COX20: variants seen among roughly 807,000 people sequenced by gnomAD.
The protein encoded by COX20 is cytochrome c oxidase assembly factor COX20.
In COX20, 14 loss-of-function variants were observed where a neutral mutation model predicts 14.3. The observed-to-expected ratio is 0.98, with a 90% CI of 0.65 to 1.53. The LOEUF (loss-of-function observed/expected upper bound fraction) is 1.53, where lower values mean the gene tolerates loss of function less well. COX20 is among the 40% of genes most tolerant of loss of function. The pLI is 0.00. For synonymous variants in COX20, 56 were observed against 51.7 expected (o/e 1.08, Z -0.36); for missense variants, 149 against 142.1 (o/e 1.05, Z -0.25).
chr1:244,844,777 A>C lies in COX20; in HGVS notation c.*1601A>C, dbSNP rs368887269. 8 of 152,226 alleles carry C rather than the reference A, an allele frequency of 5.3e-5. No homozygotes were observed. The East Asian group carries it at 1.4e-3, about 26-fold the overall frequency. The allele number at this position is 152,226 out of a possible 1,614,324, so 9.4% of individuals were successfully genotyped here. ...GAGACTCCATCTCAAAAAAAAAAAA[A>C]AATTCCATAGGATGTTCAACCATGT... On this transcript the variant is annotated 3_prime_UTR_variant, in exon 4 of 4. Coordinates refer to ENST00000411948, the MANE Select transcript of COX20 (RefSeq NM_198076.6).
At chr1:244,835,657 G>T (rs1360989395), upstream of COX20, 13 of 1,219,378 alleles carry the variant, frequency 1.1e-5, no homozygotes, top group Non-Finnish European at 1.1e-5. Context: ...CGGCCAGCCG[G>T]GCTTCTGCTT....
chr1:244,844,095 A>G lies in COX20; in HGVS notation c.*919A>G, dbSNP rs1680328421. On this transcript the variant is annotated 3_prime_UTR_variant, in exon 4 of 4. Transcript: ENST00000411948. ...ATTGGGGCGAAGGTAACAGCAGTCA[A>G]CAGGATTGTGGCCATTACTGGTCCT... 6.6e-6 allele frequency: 1 copy of G among 152,256 alleles called. No homozygotes were observed. Among genetic ancestry groups the G allele is most frequent in the Non-Finnish European group, 1.5e-5 (1 of 68,036 alleles). 9.4% of individuals were successfully genotyped at this position (152,256 alleles called of 1,614,324 possible).
Position 244,843,848 on chromosome 1 carries a change from AAAC to A in COX20, c.*675_*677del, listed in dbSNP as rs923188396. 13 of 152,240 alleles carry A rather than the reference AAAC, an allele frequency of 8.5e-5. No individual in the cohort carries two copies. Among genetic ancestry groups the A allele is most frequent in the African/African-American group, 2.9e-4 (12 of 41,462 alleles). The allele number at this position is 152,240 out of a possible 1,614,324, so 9.4% of individuals were successfully genotyped here. A position where few individuals can be genotyped will look rare whatever the true frequency, so the allele number is the denominator to read the frequency against. ...ACAACTGCAGAATTACTATTAATGT[AAAC>A]AATCCATTTGAAAGTCAATCAGCTG... On this transcript the variant is annotated 3_prime_UTR_variant, in exon 4 of 4. Coordinates refer to ENST00000411948, the MANE Select transcript of COX20 (RefSeq NM_198076.6).
rs997674586 is a variant in COX20, at chr1:244,842,588, A to G, written c.221+330A>G. The stretch of plus-strand genomic sequence containing the variant: ...TGTTTACAACTACTGATGAGTGAAT[A>G]TAAAATATGGATGAACCTCAAATAT... On this transcript the variant is annotated intron_variant, in intron 3 of 3. Coordinates refer to ENST00000411948, the MANE Select transcript of COX20 (RefSeq NM_198076.6). 3 of 298,304 alleles carry G rather than the reference A, an allele frequency of 1.0e-5. No homozygotes were observed. The Admixed American group carries it at 1.4e-4, about 14-fold the overall frequency. 18.5% of individuals were successfully genotyped at this position (298,304 alleles called of 1,614,324 possible). A position where few individuals can be genotyped will look rare whatever the true frequency, so the allele number is the denominator to read the frequency against.
chr1:244,835,711 C>T lies in COX20; in HGVS notation c.-4C>T, dbSNP rs763214204. The stretch of plus-strand genomic sequence containing the variant: ...AGGGCGGGTGGAGTCGCGGAGTAGT[C>T]CTCATGGCCGCCCCGCCGGAGCCCG... On this transcript the variant is annotated 5_prime_UTR_variant, in exon 1 of 4. Coordinates refer to ENST00000411948, the MANE Select transcript of COX20 (RefSeq NM_198076.6). 6.3e-6 allele frequency: 8 copies of T among 1,267,532 alleles called. No homozygotes were observed. The South Asian group carries it at 2.3e-4, about 36-fold the overall frequency. 78.5% of individuals were successfully genotyped at this position (1,267,532 alleles called of 1,614,324 possible).
intron 1 of COX20, chr1:244,836,555 C>T (rs1168650666): frequency 5.9e-6 from 9 of 1,531,632 alleles, no homozygotes; most frequent in Non-Finnish European, 8.0e-6. Context: ...TTTTCCTGGG[C>T]TCCTTATTAA....
In COX20 at chr1:244,835,702, CGGA is replaced by C; in HGVS notation, c.-11_-9del. The C allele has an allele frequency of 8.0e-7, 1 of 1,255,928 alleles. No individual in the cohort carries two copies. Among genetic ancestry groups the C allele is most frequent in the Admixed American group, 4.0e-5 (1 of 25,182 alleles). 77.8% of individuals were successfully genotyped at this position (1,255,928 alleles called of 1,614,324 possible). Reference sequence around the variant, plus strand: ...CGGCGGTGCAGGGCGGGTGGAGTCGCGGAGTAGTCCTCATGGCCGCCCCGCCGG... The same window carrying C: ...CGGCGGTGCAGGGCGGGTGGAGTCGCGTAGTCCTCATGGCCGCCCCGCCGG... On this transcript the variant is annotated 5_prime_UTR_variant, in exon 1 of 4. Transcript: ENST00000411948.
chr1:244,838,773 G>C (rs115007295), intron 1 of COX20, among the ~76,000 whole-genome samples: 8 of 151,926 alleles, frequency 5.3e-5, no homozygotes, highest in Non-Finnish European at 1.0e-4. Flanking sequence ...GATGAGAGGA[G>C]AGGGGTGTAT....
chr1:244,841,671 A>G (rs1403121806), intron 1 of COX20: 4 of 310,782 alleles, frequency 1.3e-5, no homozygotes, highest in Non-Finnish European at 2.4e-5. Flanking sequence ...CCTATTTCCA[A>G]GTCAGTTGAT....
chr1:244,841,626 A>G (rs1250053513), intron 1 of COX20: 4 of 208,846 alleles, frequency 1.9e-5, no homozygotes, highest in African/African-American at 6.9e-5. Flanking sequence ...ATATTCCCAA[A>G]TAAACTCATT....
At chr1:244,838,146 C>G (rs1680056700) in intron 1 of COX20, among the ~76,000 whole-genome samples, 2 of 152,272 alleles carry the variant, frequency 1.3e-5, no homozygotes, top group South Asian at 4.1e-4. Flanking sequence ...TCCTTCCAGA[C>G]TTGCTAATAT....
chr1:244,843,257 C>G lies in COX20; in HGVS notation c.*81C>G, dbSNP rs1344718258. 3 of 1,428,622 alleles carry G rather than the reference C, an allele frequency of 2.1e-6. No homozygotes were observed. The East Asian group carries it at 7.7e-5, about 37-fold the overall frequency. The allele number at this position is 1,428,622 out of a possible 1,614,324, so 88.5% of individuals were successfully genotyped here. ...ATTTCATGTGCAATAAGCTCTCAAT[C>G]AAGTAAATAAAGTTTAAGTTGTAGT... On this transcript the variant is annotated 3_prime_UTR_variant, in exon 4 of 4. Coordinates refer to ENST00000411948, the MANE Select transcript of COX20 (RefSeq NM_198076.6).
chr1:244,840,421 G>A, intron 1 of COX20: 1 of 152,226 alleles, frequency 6.6e-6, no homozygotes, highest in East Asian at 1.9e-4. Flanking sequence ...TCCTGGACTG[G>A]AGCGCTAAGT....
chr1:244,842,015 A>G lies in COX20; in HGVS notation c.114A>G (p.Ser38=), dbSNP rs757719877. Reference sequence around the variant, plus strand: ...CCCGGCATTCAATATTGTATGGTTCATTAGGATCTGTTGTGGCTGGCTTTG... The same window carrying G: ...CCCGGCATTCAATATTGTATGGTTCGTTAGGATCTGTTGTGGCTGGCTTTG... ...PCARHSILYG[S]LGSVVAGFGH... Residue 38 remains serine (S), a synonymous_variant, in exon 2 of 4, where the codon TCA becomes TCG. Coordinates refer to ENST00000411948, the MANE Select transcript of COX20 (RefSeq NM_198076.6). 4 of 1,611,982 alleles carry G rather than the reference A, an allele frequency of 2.5e-6. No individual in the cohort carries two copies. The highest frequency in any genetic ancestry group is 3.4e-6 in the Non-Finnish European group (4 of 1,178,444).
intron 1 of COX20, among the ~76,000 whole-genome samples, chr1:244,838,467 T>C (rs1297091484): frequency 6.6e-6 from 1 of 152,130 alleles, no homozygotes; most frequent in Non-Finnish European, 1.5e-5. Context: ...CAGAATCAGG[T>C]CTGTAGAGGA....
intron 1 of COX20, chr1:244,839,897 G>A (rs747641010): frequency 6.6e-6 from 1 of 152,086 alleles, no homozygotes; most frequent in East Asian, 1.9e-4. Flanking sequence ...TTAAGTCCCC[G>A]AGCCTGTTTC....
At chr1:244,842,836 C>CT (rs1194744680) in intron 3 of COX20, 7 of 404,974 alleles carry the variant, frequency 1.7e-5, no homozygotes, top group African/African-American at 4.2e-5. Context: ...TGTAGACATC[C>CT]TTTTTTTCCT....
chr1:244,840,063 C>T (rs1680135054), intron 1 of COX20: 1 of 152,122 alleles, frequency 6.6e-6, no homozygotes, highest in Non-Finnish European at 1.5e-5. Flanking sequence ...TCAGAAGGCA[C>T]TATTTTAAAT....
intron 1 of COX20, 173 bp from the exon 2 acceptor site, chr1:244,841,771 T>TGCATAC: frequency 1.8e-6 from 1 of 558,360 alleles, no homozygotes; most frequent in South Asian, 2.6e-5. Flanking sequence ...AGATTCAGAC[T>TGCATAC]GCATACCAAA....
Sources: gnomAD v4.1 joint callset for allele counts (sites outside exome capture counted in the v4.1 genomes callset) on GRCh38, gnomAD v4.1.1 for gene constraint, MANE v1.5 for transcripts, NCBI Gene and HGNC (gene_info 2026-07-23, HGNC 2026-07-21) for gene names.